The following EDA variants were observed in gnomAD, a reference collection of about 807,000 sequenced individuals.
The protein encoded by EDA is ectodysplasin A.
In EDA, 2 loss-of-function variants were observed where a neutral mutation model predicts 23.6. That is an observed-to-expected ratio of 0.08 (90% confidence interval 0.03 to 0.27). The LOEUF (loss-of-function observed/expected upper bound fraction) is 0.27. EDA is among the 10% of genes least tolerant of loss of function. EDA has a pLI of 1.00. For missense variants in EDA, 229 were observed against 324.2 expected (o/e 0.71, Z 2.26); for synonymous variants, 131 against 132.0 (o/e 0.99, Z 0.05).
chrX:69,864,950 C>T (rs972614557), intron 1 of EDA, among the ~76,000 whole-genome samples: 4 of 111,257 alleles, frequency 3.6e-5, no homozygotes, highest in African/African-American at 1.3e-4. Flanking sequence ...GAGATCGCCA[C>T]TGCACTCCAG....
chrX:69,632,035 T>C (rs1158679346), intron 1 of EDA, among the ~76,000 whole-genome samples: 2 of 112,141 alleles, frequency 1.8e-5, no homozygotes, highest in African/African-American at 3.2e-5. Flanking sequence ...TAATATGAAA[T>C]TGTGGTTTAT....
intron 2 of EDA, among the ~76,000 whole-genome samples, chrX:69,975,252 G>T (rs2019300690): frequency 1.8e-5 from 2 of 111,677 alleles, no homozygotes; most frequent in African/African-American, 3.2e-5. Flanking sequence ...AAGAAAATGT[G>T]GTTCATATAC....
At chrX:70,022,096 C>T (rs893299229) in intron 2 of EDA, among the ~76,000 whole-genome samples, 1 of 109,554 alleles carries the variant, frequency 9.1e-6, no homozygotes, top group African/African-American at 3.3e-5. Context: ...AAGTCAAATC[C>T]GTATACAGAA....
At chrX:69,710,480 C>T (rs1362995927) in intron 1 of EDA, among the ~76,000 whole-genome samples, 2 of 111,302 alleles carry the variant, frequency 1.8e-5, no homozygotes, top group Non-Finnish European at 3.8e-5. Context: ...GCAATGCGGG[C>T]TCTTTTTTGG....
chrX:69,874,157 A>T lies in EDA; in HGVS notation c.397-82870A>T, dbSNP rs184554649. ...GAAACCCCATCTCTACTAAAAATAC[A>T]AAAAGTTAGCTGGACGTGGTGACAC... On this transcript the variant is annotated intron_variant, in intron 1 of 7. Transcript: ENST00000374552. Among the ~76,000 whole-genome samples the T allele has an allele frequency of 3.8e-3, 421 of 110,856 alleles. 4 individuals are homozygous for T. Among genetic ancestry groups the T allele is most frequent in the South Asian group, 6.2e-3 (16 of 2,562 alleles).
At chrX:69,782,103 A>G (rs1170923236) in intron 1 of EDA, among the ~76,000 whole-genome samples, 1 of 109,430 alleles carries the variant, frequency 9.1e-6, no homozygotes, top group African/African-American at 3.3e-5. Flanking sequence ...AAGTAGCTAC[A>G]CCCAAGTCAA....
At chrX:69,676,829 C>CT (rs749391836) in intron 1 of EDA, among the ~76,000 whole-genome samples, 174 of 110,634 alleles carry the variant, frequency 1.6e-3, no homozygotes, top group African/African-American at 5.5e-3. Context: ...TTGCTGTTTT[C>CT]TTTTTTTTAT....
intron 2 of EDA, among the ~76,000 whole-genome samples, chrX:70,007,590 T>A (rs1328690243): frequency 9.0e-6 from 1 of 111,545 alleles, no homozygotes; most frequent in African/African-American, 3.3e-5. Context: ...TAAACCTCTT[T>A]TCTTTATAAA....
intron 1 of EDA, among the ~76,000 whole-genome samples, chrX:69,909,437 A>C (rs1439090725): frequency 8.9e-6 from 1 of 111,795 alleles, no homozygotes; most frequent in African/African-American, 3.3e-5. Flanking sequence ...AGTAGCTGGG[A>C]TTACAGGTGT....
At chrX:69,638,529 G>A (rs1172311382) in intron 1 of EDA, among the ~76,000 whole-genome samples, 1 of 111,764 alleles carries the variant, frequency 8.9e-6, no homozygotes, top group East Asian at 2.8e-4. Context: ...AATGCATTTG[G>A]GGCTTGATAA....
rs182428698 is a variant in EDA, at chrX:69,630,715, T to C, written c.396+14011T>C. Among the ~76,000 whole-genome samples, 586 of 112,522 alleles carry C rather than the reference T, an allele frequency of 5.2e-3. 1 individual carries two copies. Among genetic ancestry groups the C allele is most frequent in the Middle Eastern group, 0.019 (4 of 216 alleles). On this transcript the variant is annotated intron_variant, in intron 1 of 7. Transcript: ENST00000374552. Reference sequence around the variant, plus strand: ...AAAACTTTTTTTCTAATTACTACCTTATATTTTCCATATAGTTGCCCTGTC... The same window carrying C: ...AAAACTTTTTTTCTAATTACTACCTCATATTTTCCATATAGTTGCCCTGTC...
chrX:69,794,849 T>G (rs1234883168), intron 1 of EDA, among the ~76,000 whole-genome samples: 1 of 111,171 alleles, frequency 9.0e-6, no homozygotes, highest in Non-Finnish European at 1.9e-5. Context: ...GTGATGCTAT[T>G]TACTGAAATA....
intron 1 of EDA, among the ~76,000 whole-genome samples, chrX:69,689,030 C>T (rs949747797): frequency 9.0e-6 from 1 of 111,099 alleles, no homozygotes; most frequent in Non-Finnish European, 1.9e-5. Context: ...TGAATTCTCT[C>T]GGCACTCTTG....
chrX:70,029,651 G>A (rs1473431758), intron 5 of EDA, 113 bp downstream of exon 5: 43 of 811,532 alleles, frequency 5.3e-5, no homozygotes, highest in Middle Eastern at 2.8e-4. Flanking sequence ...AGAACACCCC[G>A]GAGATTCTGA....
chrX:69,764,749 A>G (rs1291839659), intron 1 of EDA, among the ~76,000 whole-genome samples: 1 of 111,309 alleles, frequency 9.0e-6, no homozygotes, highest in African/African-American at 3.3e-5. Flanking sequence ...CCATATTTGT[A>G]CAAAAGGATT....
At chrX:69,981,690 G>C (rs766376056) in intron 2 of EDA, among the ~76,000 whole-genome samples, 3 of 112,143 alleles carry the variant, frequency 2.7e-5, no homozygotes, top group African/African-American at 9.7e-5. Context: ...TACCAACTTT[G>C]TGCCCTCACT....
At chrX:69,692,983 A>C (rs935865442) in intron 1 of EDA, 1 of 111,945 alleles carries the variant, frequency 8.9e-6, no homozygotes, top group Non-Finnish European at 1.9e-5. Context: ...GATCATTTCT[A>C]TAGTTTATTA....
chrX:69,670,189 T>G (rs1381607113), intron 1 of EDA: 1 of 329,271 alleles, frequency 3.0e-6, no homozygotes, highest in Non-Finnish European at 5.1e-6. Context: ...GACTGTTTTT[T>G]TTTTTTTTTT....
At chrX:69,974,969 T>C (rs907110272) in intron 2 of EDA, among the ~76,000 whole-genome samples, 2 of 111,637 alleles carry the variant, frequency 1.8e-5, no homozygotes, top group Non-Finnish European at 3.8e-5. Flanking sequence ...AAATAACAAA[T>C]GCTAGTGAGG....
Sources: gnomAD v4.1 joint callset for allele counts (sites outside exome capture counted in the v4.1 genomes callset) on GRCh38, gnomAD v4.1.1 for gene constraint, MANE v1.5 for transcripts, NCBI Gene and HGNC (gene_info 2026-07-23, HGNC 2026-07-21) for gene names.